DNAJC25: variants seen among roughly 807,000 people sequenced by gnomAD.
DNAJC25 encodes DnaJ heat shock protein family (Hsp40) member C25.
A neutral mutation model predicts 42.1 loss-of-function variants in DNAJC25; 26 were observed. The observed-to-expected ratio is 0.62, with a 90% CI of 0.45 to 0.86. The LOEUF is 0.86. Among genes scored for constraint, DNAJC25 ranks in the 40% least tolerant of loss-of-function variants. The pLI is 0.00. For missense variants in DNAJC25, 404 were observed against 459.4 expected, an observed-to-expected ratio of 0.88 and a Z score of 1.10; for synonymous variants, 189 against 179.9, an observed-to-expected ratio of 1.05 and a Z score of -0.40.
chr9:111,635,878 G>T (rs970492368), intron 1 of DNAJC25, among the ~76,000 whole-genome samples: 2 of 150,970 alleles, frequency 1.3e-5, no homozygotes, highest in African/African-American at 2.4e-5. Context: ...CACTTAGGAA[G>T]AATTTAGCAA....
chr9:111,646,589 A>C (rs779452427), intron 1 of DNAJC25, among the ~76,000 whole-genome samples: 42 of 152,234 alleles, frequency 2.8e-4, no homozygotes, highest in Non-Finnish European at 5.7e-4. Flanking sequence ...ATCTAAGGTC[A>C]TAAAGCTAGA....
intron 1 of DNAJC25, among the ~76,000 whole-genome samples, chr9:111,643,369 T>G (rs1830511988): frequency 6.6e-6 from 1 of 152,072 alleles, no homozygotes; most frequent in South Asian, 2.1e-4. Context: ...TTCCAGAACT[T>G]CTCATTCTAA....
At position 111,654,007 on chromosome 9, in the gene DNAJC25, T is replaced by C. The variant is rs118090517; in HGVS notation, c.*785T>C. 1,719 of 152,560 alleles carry C rather than the reference T, an allele frequency of 0.011. 12 individuals carry two copies. Among genetic ancestry groups the C allele is most frequent in the Middle Eastern group, 0.031 (9 of 294 alleles). 9.5% of individuals were successfully genotyped at this position (152,560 alleles called of 1,614,324 possible). A position where few individuals can be genotyped will look rare whatever the true frequency, so the allele number is the denominator to read the frequency against. On this transcript the variant is annotated 3_prime_UTR_variant, in exon 4 of 4. Coordinates refer to ENST00000313525, the MANE Select transcript of DNAJC25 (RefSeq NM_001015882.3). ...CTTTTGTACCACAGTATTGGTTTTT[T>C]CCCCTCTCTCTTCACTTAAAAAAAA...
At chr9:111,641,142 C>G (rs1355522412) in intron 1 of DNAJC25, among the ~76,000 whole-genome samples, 3 of 112,186 alleles carry the variant, frequency 2.7e-5, no homozygotes, top group African/African-American at 4.1e-5. Context: ...GGTCAGCCCC[C>G]CCACCCGGCC....
rs1564085005 is a variant in DNAJC25 at position 111,642,616 on chromosome 9, AATAAAT to A, written c.337-4489_337-4484del. Among the ~76,000 whole-genome samples, 789 of 115,070 alleles carry A rather than the reference AATAAAT, an allele frequency of 6.9e-3. 2 individuals carry two copies. The highest frequency in any genetic ancestry group is 8.3e-3 in the South Asian group (34 of 4,082). 75.5% of individuals were successfully genotyped at this position (115,070 alleles called of 152,430 possible). A position where few individuals can be genotyped will look rare whatever the true frequency, so the allele number is the denominator to read the frequency against. On this transcript the variant is annotated intron_variant, in intron 1 of 3. Transcript: ENST00000313525. ...CCCAAGAATTATCAATAAATAAATA[AATAAAT>A]AAATAAATAAATAAATAAATAAAAA... is the stretch of plus-strand genomic sequence containing the variant.
chr9:111,646,980 C>T, intron 1 of DNAJC25, 127 bp from the exon 2 acceptor site: 2 of 1,118,946 alleles, frequency 1.8e-6, no homozygotes, highest in Non-Finnish European at 1.2e-6. Flanking sequence ...TTGATTTTGA[C>T]AATTTCAGTA....
chr9:111,641,126 T>TG (rs1259225275), intron 1 of DNAJC25, among the ~76,000 whole-genome samples: 5 of 86,802 alleles, frequency 5.8e-5, no homozygotes, highest in Non-Finnish European at 1.0e-4. Flanking sequence ...GGGAGGGAGA[T>TG]GGGGGGGTCA....
At chr9:111,652,854 T>TA (rs768938384) in intron 3 of DNAJC25, among the ~76,000 whole-genome samples, 4 of 152,090 alleles carry the variant, frequency 2.6e-5, no homozygotes, top group Non-Finnish European at 5.9e-5. Context: ...GCCACAAAAT[T>TA]ACTAGTTCTT....
rs758433418 is a variant in DNAJC25, at chr9:111,649,942, G to A, written c.960+19G>A. 19 of 1,528,960 alleles carry A rather than the reference G, an allele frequency of 1.2e-5. No individual in the cohort carries two copies. The highest frequency in any genetic ancestry group is 2.2e-5 in the Admixed American group (1 of 45,316). The allele number at this position is 1,528,960 out of a possible 1,614,324, so 94.7% of individuals were successfully genotyped here. A position where few individuals can be genotyped will look rare whatever the true frequency, so the allele number is the denominator to read the frequency against. On this transcript the variant is annotated intron_variant, in intron 3 of 3. Coordinates refer to ENST00000313525, the MANE Select transcript of DNAJC25 (RefSeq NM_001015882.3). ...TTATGAGGTGAGTAGTCACCCTGCT[G>A]TGATTTAAGTGTCATCCACCTGACC...
Position 111,641,518 on chromosome 9 carries a change from G to A in DNAJC25, c.337-5589G>A, listed in dbSNP as rs1319254737. ...CTCTGCCCGGCCAGCCGCCCGGTCC[G>A]GGAGGGAGGTGGGGGGGTCGGACCC... On this transcript the variant is annotated intron_variant, in intron 1 of 3. Coordinates refer to ENST00000313525, the MANE Select transcript of DNAJC25 (RefSeq NM_001015882.3). Among the ~76,000 whole-genome samples the A allele has an allele frequency of 2.2e-5, 2 of 92,256 alleles. 1 individual carries two copies. Among genetic ancestry groups the A allele is most frequent in the African/African-American group, 9.9e-5 (2 of 20,186 alleles). The allele number at this position is 92,256 out of a possible 152,430, so 60.5% of individuals were successfully genotyped here.
intron 1 of DNAJC25, among the ~76,000 whole-genome samples, chr9:111,632,618 T>C (rs1433873492): frequency 6.6e-6 from 1 of 152,122 alleles, no homozygotes; most frequent in East Asian, 1.9e-4. Context: ...TTGATGGTGG[T>C]ATTACTGCTT....
intron 1 of DNAJC25, among the ~76,000 whole-genome samples, chr9:111,639,092 T>G (rs1830405707): frequency 6.6e-6 from 1 of 152,166 alleles, no homozygotes; most frequent in African/African-American, 2.4e-5. Context: ...CTGTTGTGAA[T>G]CCCATTGCTA....
intron 1 of DNAJC25, among the ~76,000 whole-genome samples, chr9:111,639,706 GGT>G (rs1198111073): frequency 6.7e-6 from 1 of 148,272 alleles, no homozygotes. Context: ...TGTGTGTATG[GGT>G]GTGTGTGTGT....
In DNAJC25 at chr9:111,647,221, G is replaced by T. The variant is rs1439006048; in HGVS notation, c.451G>T (p.Val151Leu). Reference sequence around the variant, plus strand: ...GGCCCCTAAGGTGGATGTTAGAGTAGTGATTTTGGTCAGCGTGTGTGCTAT... The same window carrying T: ...GGCCCCTAAGGTGGATGTTAGAGTATTGATTTTGGTCAGCGTGTGTGCTAT... ...RLAPKVDVRVVILVSVCAISV... is the reference protein window; with the variant it reads ...RLAPKVDVRVLILVSVCAISV... Residue 151 changes from valine to leucine, a missense_variant, in exon 2 of 4, where the codon GTG becomes TTG. By Grantham distance (32) the Val-to-Leu change is conservative (BLOSUM62 1). Transcript: ENST00000313525. 4 of 1,614,172 alleles carry T rather than the reference G, an allele frequency of 2.5e-6. No homozygotes were observed. Among genetic ancestry groups the T allele is most frequent in the Non-Finnish European group, 3.4e-6 (4 of 1,180,036 alleles).
At chr9:111,638,678 G>A (rs561301052) in intron 1 of DNAJC25, among the ~76,000 whole-genome samples, 20 of 151,818 alleles carry the variant, frequency 1.3e-4, no homozygotes, top group African/African-American at 4.4e-4. Context: ...TGATTCTTGT[G>A]TACCCCTTTA....
chr9:111,645,323 C>T (rs978180556), intron 1 of DNAJC25, among the ~76,000 whole-genome samples: 2 of 151,102 alleles, frequency 1.3e-5, no homozygotes, highest in African/African-American at 4.9e-5. Context: ...GGTACAGTCT[C>T]GGCTCACTGC....
At chr9:111,641,813 G>GA (rs1830475720) in intron 1 of DNAJC25, among the ~76,000 whole-genome samples, 4 of 112,400 alleles carry the variant, frequency 3.6e-5, no homozygotes, top group African/African-American at 1.5e-4. Flanking sequence ...GGTGGGGGGG[G>GA]TCAGCCCCCC....
At chr9:111,638,346 C>T (rs1310842944) in intron 1 of DNAJC25, among the ~76,000 whole-genome samples, 8 of 152,190 alleles carry the variant, frequency 5.3e-5, no homozygotes, top group Admixed American at 2.6e-4. Context: ...TTGCATTCCA[C>T]GGACATAATT....
At chr9:111,652,580 TGCCCAGGCTGGA>T (rs1260195090) in intron 3 of DNAJC25, among the ~76,000 whole-genome samples, 1 of 150,792 alleles carries the variant, frequency 6.6e-6, no homozygotes, top group East Asian at 2.0e-4. Flanking sequence ...TCACTCTTGT[TGCCCAGGCTGGA>T]GTGCAATGGC....
Sources: allele counts gnomAD v4.1 joint callset (sites outside exome capture counted in the v4.1 genomes callset), GRCh38; gene constraint gnomAD v4.1.1; transcripts MANE v1.5; gene names NCBI Gene and HGNC (gene_info 2026-07-23, HGNC 2026-07-21).